The following SRD5A2 variants were observed in gnomAD, a reference collection of about 807,000 sequenced individuals.
SRD5A2 encodes steroid 5 alpha-reductase 2, also known as 3-oxo-5-alpha-steroid 4-dehydrogenase 2.
A neutral mutation model predicts 27.4 loss-of-function variants in SRD5A2; 30 were observed. That is an observed-to-expected ratio of 1.10 (90% CI 0.82 to 1.49). The LOEUF (loss-of-function observed/expected upper bound fraction) is 1.49, where lower values mean the gene tolerates loss of function less well. Ranked by LOEUF, SRD5A2 falls within the 40% of genes most tolerant of loss-of-function variation. The pLI, the probability that SRD5A2 is intolerant of heterozygous loss-of-function variation, is 0.00. For missense variants in SRD5A2, 348 were observed against 323.4 expected, an observed-to-expected ratio of 1.08 and a Z score of -0.58; for synonymous variants, 141 against 133.6, an observed-to-expected ratio of 1.06 and a Z score of -0.38.
chr2:31,627,037 C>G, the SRD5A2 span, among the ~76,000 whole-genome samples: 2 of 152,068 alleles, frequency 1.3e-5, no homozygotes, highest in South Asian at 4.1e-4. Context: ...AATTTCAGAA[C>G]CTGTTATTGG....
At chr2:31,608,493 G>A in the SRD5A2 span, among the ~76,000 whole-genome samples, 8 of 151,894 alleles carry the variant, frequency 5.3e-5, no homozygotes, top group South Asian at 2.1e-4. Flanking sequence ...CATAAGCTAT[G>A]TATTTTCAGA....
At chr2:31,560,840 G>T (rs1050245047) in intron 1 of SRD5A2, among the ~76,000 whole-genome samples, 1 of 152,100 alleles carries the variant, frequency 6.6e-6, no homozygotes, top group Non-Finnish European at 1.5e-5. Flanking sequence ...CACAAGAATG[G>T]CCTGCAGGAA....
intron 1 of SRD5A2, among the ~76,000 whole-genome samples, chr2:31,576,514 T>A (rs1262841106): frequency 1.5e-5 from 1 of 65,618 alleles, no homozygotes; most frequent in African/African-American, 6.5e-5. Flanking sequence ...CTGGAGAGGA[T>A]GTGGAGAAAT....
At chr2:31,533,557 G>T (rs1283252376) in intron 2 of SRD5A2, 46 bp downstream of exon 2, 3 of 1,529,524 alleles carry the variant, frequency 2.0e-6, no homozygotes, top group Admixed American at 3.9e-5. Flanking sequence ...ATTGTGGGAA[G>T]GGTTGTTAGC....
chr2:31,644,733 T>G, the SRD5A2 span, among the ~76,000 whole-genome samples: 1 of 152,334 alleles, frequency 6.6e-6, no homozygotes, highest in Middle Eastern at 3.4e-3. Flanking sequence ...AAAATTCAAA[T>G]ATTGACTGCT....
rs1238677736 is a variant in SRD5A2, at chr2:31,523,830, GC to G, written c.*2365del. ...GTATTTAATCCACATACATATCCTA[GC>G]CCTAAACAATGACAAACTGTCATTG... On this transcript the variant is annotated 3_prime_UTR_variant, in exon 5 of 5. Transcript: ENST00000622030. The G allele has an allele frequency of 4.5e-6, 1 of 220,040 alleles. No homozygotes were observed. The highest frequency in any genetic ancestry group is 9.1e-6 in the Non-Finnish European group (1 of 109,834). 13.6% of individuals were successfully genotyped at this position (220,040 alleles called of 1,614,324 possible).
the SRD5A2 span, among the ~76,000 whole-genome samples, chr2:31,604,686 T>C: frequency 4.6e-5 from 7 of 151,846 alleles, no homozygotes; most frequent in South Asian, 6.2e-4. Context: ...ATATTCCATG[T>C]TCAGGGATTA....
chr2:31,614,631 G>A, the SRD5A2 span, among the ~76,000 whole-genome samples: 2 of 152,188 alleles, frequency 1.3e-5, no homozygotes, highest in Non-Finnish European at 1.5e-5. Flanking sequence ...TCAACCCCAT[G>A]TTTCCCTTCC....
chr2:31,594,994 T>A, the SRD5A2 span, among the ~76,000 whole-genome samples: 1 of 152,084 alleles, frequency 6.6e-6, no homozygotes, highest in African/African-American at 2.4e-5. Flanking sequence ...GGAAATTTTT[T>A]AAATTCCTTG....
chr2:31,609,405 T>C, the SRD5A2 span, among the ~76,000 whole-genome samples: 1 of 152,024 alleles, frequency 6.6e-6, no homozygotes, highest in Non-Finnish European at 1.5e-5. Context: ...GGTACTAACA[T>C]AAAAATAGAT....
chr2:31,623,730 G>C, the SRD5A2 span, among the ~76,000 whole-genome samples: 10 of 152,032 alleles, frequency 6.6e-5, no homozygotes, highest in African/African-American at 2.2e-4. Context: ...TATGATGTTG[G>C]CTGTGGGTTT....
At chr2:31,645,925 G>C in the SRD5A2 span, among the ~76,000 whole-genome samples, 1 of 151,900 alleles carries the variant, frequency 6.6e-6, no homozygotes, top group African/African-American at 2.4e-5. Flanking sequence ...CTTTACCATG[G>C]GGTACCTTCC....
At chr2:31,576,869 C>T (rs1304141955) in intron 1 of SRD5A2, among the ~76,000 whole-genome samples, 4 of 15,032 alleles carry the variant, frequency 2.7e-4, no homozygotes, top group East Asian at 1.1e-3. Flanking sequence ...AAATTGGAAA[C>T]CATCATTCTC....
At chr2:31,528,502 C>T (rs1665829246) in intron 4 of SRD5A2, among the ~76,000 whole-genome samples, 1 of 152,158 alleles carries the variant, frequency 6.6e-6, no homozygotes, top group Non-Finnish European at 1.5e-5. Flanking sequence ...GGCGTGATGG[C>T]TTTGCCTGTA....
intron 1 of SRD5A2, among the ~76,000 whole-genome samples, chr2:31,540,786 G>A (rs1666113890): frequency 6.6e-6 from 1 of 152,198 alleles, no homozygotes; most frequent in Admixed American, 6.5e-5. Flanking sequence ...CCTGTGGCAG[G>A]CAGCTGTGCA....
the SRD5A2 span, among the ~76,000 whole-genome samples, chr2:31,629,208 C>A: frequency 6.6e-6 from 1 of 152,232 alleles, no homozygotes; most frequent in African/African-American, 2.4e-5. Flanking sequence ...CTCTCTTCCA[C>A]GACCCATGGC....
In SRD5A2 at chr2:31,580,804, A is replaced by G; in HGVS notation, c.97T>C (p.Tyr33His). The change falls in exon 1 of 5, where the codon TAC becomes CAC. Residue 33 changes from tyrosine to histidine, a missense_variant. Coordinates refer to ENST00000622030, the MANE Select transcript of SRD5A2 (RefSeq NM_000348.4). The part of the protein sequence containing the change: ...LALYVAKPSG[Y>H]GKHTESLKPA... ...TTCAGGCTCTCCGTGTGCTTCCCGTAGCCGGAGGGCTTCGCGACGTACAAG... is the reference window on the plus strand; with the variant it reads ...TTCAGGCTCTCCGTGTGCTTCCCGTGGCCGGAGGGCTTCGCGACGTACAAG... 2 of 1,612,540 alleles carry G rather than the reference A, an allele frequency of 1.2e-6. No individual in the cohort carries two copies. The highest frequency in any genetic ancestry group is 4.5e-5 in the East Asian group (2 of 44,850).
intron 1 of SRD5A2, among the ~76,000 whole-genome samples, chr2:31,570,803 G>A (rs1465846735): frequency 6.6e-6 from 1 of 152,130 alleles, no homozygotes; most frequent in South Asian, 2.1e-4. Context: ...AAAATACCTA[G>A]GAATACAACT....
chr2:31,655,277 T>A, the SRD5A2 span, among the ~76,000 whole-genome samples: 1 of 152,100 alleles, frequency 6.6e-6, no homozygotes, highest in Admixed American at 6.5e-5. Flanking sequence ...AATTTTTGTA[T>A]TTTTAGAGAG....
Sources: gnomAD v4.1 joint callset for allele counts (sites outside exome capture counted in the v4.1 genomes callset) on GRCh38, gnomAD v4.1.1 for gene constraint, MANE v1.5 for transcripts, NCBI Gene and HGNC (gene_info 2026-07-23, HGNC 2026-07-21) for gene names.